SMG1: variants seen among roughly 807,000 people sequenced by gnomAD.
The protein encoded by SMG1 is SMG1 nonsense mediated mRNA decay associated PI3K related kinase, also known as serine/threonine-protein kinase SMG1.
In SMG1, 22 loss-of-function variants were observed where a neutral mutation model predicts 419.9. The observed-to-expected ratio is 0.05, with a 90% CI of 0.04 to 0.07. The LOEUF is 0.07. Among genes scored for constraint, SMG1 ranks in the 10% least tolerant of loss-of-function variants. The pLI, the probability that SMG1 is intolerant of heterozygous loss-of-function variation, is 1.00. For missense variants in SMG1, 3,185 were observed against 4,342.0 expected (o/e 0.73, Z 7.49); for synonymous variants, 1,538 against 1,553.5 (o/e 0.99, Z 0.23).
At chr16:18,909,942 A>T (rs1449854926) in intron 1 of SMG1, among the ~76,000 whole-genome samples, 1 of 152,088 alleles carries the variant, frequency 6.6e-6, no homozygotes, top group East Asian at 1.9e-4. Flanking sequence ...TACTAAACAC[A>T]CTTTAATCAG....
At chr16:18,814,732 A>G (rs1027227726) in intron 60 of SMG1, among the ~76,000 whole-genome samples, 3 of 113,450 alleles carry the variant, frequency 2.6e-5, no homozygotes, top group Non-Finnish European at 6.2e-5. Flanking sequence ...CTGGCACCAC[A>G]CCCAGCTAAT....
intron 8 of SMG1, among the ~76,000 whole-genome samples, 187 bp from the exon 9 acceptor site, chr16:18,884,354 T>C (rs2141735904): frequency 6.6e-6 from 1 of 152,302 alleles, no homozygotes; most frequent in East Asian, 1.9e-4. Context: ...AATACCTCTT[T>C]AATTAATACC....
chr16:18,871,701 C>T (rs978095308), intron 15 of SMG1, among the ~76,000 whole-genome samples: 2 of 151,956 alleles, frequency 1.3e-5, no homozygotes, highest in African/African-American at 4.8e-5. Context: ...GCAAAGAGGC[C>T]GGGTGTGGTG....
rs920996933 is a variant in SMG1, at chr16:18,806,043, A to T, written c.*3526T>A. On this transcript the variant is annotated 3_prime_UTR_variant, in exon 63 of 63. Coordinates refer to ENST00000446231, the MANE Select transcript of SMG1 (RefSeq NM_015092.5). ...AAAATGTAGAGGAAAATAGGCCCGG[A>T]AGACTTTGCAATTTAAAGTACTGCC... 2 of 152,626 alleles carry T rather than the reference A, an allele frequency of 1.3e-5. No homozygotes were observed. The highest frequency in any genetic ancestry group is 4.8e-5 in the African/African-American group (2 of 41,452). 9.5% of individuals were successfully genotyped at this position (152,626 alleles called of 1,614,324 possible). A position where few individuals can be genotyped will look rare whatever the true frequency, so the allele number is the denominator to read the frequency against.
At chr16:18,919,081 C>T (rs918971434) in intron 1 of SMG1, among the ~76,000 whole-genome samples, 7 of 152,196 alleles carry the variant, frequency 4.6e-5, no homozygotes, top group Non-Finnish European at 1.0e-4. Flanking sequence ...AATCCCAGCA[C>T]TTTGGGAGGC....
intron 51 of SMG1, 128 bp downstream of exon 51, chr16:18,832,812 T>A (rs959428143): frequency 5.1e-6 from 4 of 780,342 alleles, no homozygotes; most frequent in Non-Finnish European, 8.6e-6. Flanking sequence ...GATACGTGTA[T>A]GAGCATTTAT....
At chr16:18,864,968 T>C (rs1283786064) in intron 23 of SMG1, among the ~76,000 whole-genome samples, 7 of 152,142 alleles carry the variant, frequency 4.6e-5, no homozygotes, top group Non-Finnish European at 8.8e-5. Flanking sequence ...ATAAAAGAAC[T>C]AGTGGAAAAT....
intron 10 of SMG1, among the ~76,000 whole-genome samples, chr16:18,880,189 T>C (rs2036319804): frequency 6.6e-6 from 1 of 152,234 alleles, no homozygotes; most frequent in South Asian, 2.1e-4. Context: ...GATGGTCTCT[T>C]TTGAAAGATA....
chr16:18,895,581 G>C (rs1018491927), intron 3 of SMG1, among the ~76,000 whole-genome samples: 2 of 151,658 alleles, frequency 1.3e-5, no homozygotes, highest in African/African-American at 4.8e-5. Context: ...AATGGATGGT[G>C]GGTTTAATAC....
chr16:18,836,685 TC>T (rs2033596182), intron 46 of SMG1, among the ~76,000 whole-genome samples, 153 bp from the exon 47 acceptor site: 2 of 152,214 alleles, frequency 1.3e-5, no homozygotes, highest in Non-Finnish European at 2.9e-5. Flanking sequence ...TCTCTGTTTT[TC>T]CTGACCCTGT....
chr16:18,914,358 G>A (rs1367633482), intron 1 of SMG1, among the ~76,000 whole-genome samples: 1 of 151,952 alleles, frequency 6.6e-6, no homozygotes, highest in Non-Finnish European at 1.5e-5. Flanking sequence ...TAATATGAAA[G>A]AAGTAATTCA....
rs547900348 is a variant in SMG1, at chr16:18,872,238, A to G, written c.2129T>C (p.Ile710Thr). ...TTATKKHFSIILNLLGILLKK... is the reference protein window; with the variant it reads ...TTATKKHFSITLNLLGILLKK... ...AAGTAATATTCCCAGAAGATTTAAT[A>G]TAATTGAGAAATGTTTCTTTGTAGC... The change falls in exon 15 of 63, where the codon ATA becomes ACA. Residue 710 changes from isoleucine (I) to threonine (T), a missense_variant. Around this residue, in one of 27 missense-constraint regions of SMG1, gnomAD observed 297 missense variants for 491.0 expected, o/e 0.60. Transcript: ENST00000446231. The G allele has an allele frequency of 2.5e-5, 39 of 1,585,642 alleles. No individual in the cohort carries two copies. In the African/African-American group the frequency reaches 4.8e-4, roughly 20 times the overall value.
intron 12 of SMG1, among the ~76,000 whole-genome samples, chr16:18,876,664 G>GTT (rs59861986): frequency 0.18 from 22,523 of 125,580 alleles, 3,706 homozygotes; most frequent in African/African-American, 0.41. Flanking sequence ...CGAAATGGCC[G>GTT]TTTTTTTTTT....
At chr16:18,855,203 G>A (rs1300713388) in intron 29 of SMG1, among the ~76,000 whole-genome samples, 2 of 151,952 alleles carry the variant, frequency 1.3e-5, no homozygotes, top group African/African-American at 4.8e-5. Flanking sequence ...AGGAAGCAGG[G>A]AAGGCTAAAC....
chr16:18,845,826 T>C (rs999698557), intron 38 of SMG1, among the ~76,000 whole-genome samples, 175 bp from the exon 39 acceptor site: 3 of 152,044 alleles, frequency 2.0e-5, no homozygotes, highest in African/African-American at 7.3e-5. Flanking sequence ...TTGGTTTTGT[T>C]TTTTTTTGGA....
chr16:18,859,968 C>T (rs1349408673), intron 26 of SMG1, among the ~76,000 whole-genome samples: 1 of 152,150 alleles, frequency 6.6e-6, no homozygotes, highest in African/African-American at 2.4e-5. Flanking sequence ...CCTGTAATCC[C>T]AGCACTTTGG....
At chr16:18,895,237 C>A (rs2037069974) in intron 3 of SMG1, among the ~76,000 whole-genome samples, 1 of 151,884 alleles carries the variant, frequency 6.6e-6, no homozygotes, top group Admixed American at 6.6e-5. Flanking sequence ...GTGGCTCACG[C>A]CTGTAATGAG....
chr16:18,844,783 G>GT (rs1809737500), intron 39 of SMG1, among the ~76,000 whole-genome samples: 1 of 152,074 alleles, frequency 6.6e-6, no homozygotes, highest in Admixed American at 6.6e-5. Context: ...AGCAATAAAG[G>GT]TAAGAGACAG....
chr16:18,877,913 A>G (rs1333708578), intron 11 of SMG1: 2 of 152,250 alleles, frequency 1.3e-5, no homozygotes, highest in African/African-American at 4.8e-5. Context: ...AATGTCATCT[A>G]GAATTTGCTT....
Sources: gnomAD v4.1 joint callset for allele counts (sites outside exome capture counted in the v4.1 genomes callset) on GRCh38, gnomAD v4.1.1 for gene constraint, gnomAD v4.1.1 regional missense constraint, MANE v1.5 for transcripts, NCBI Gene and HGNC (gene_info 2026-07-23, HGNC 2026-07-21) for gene names.